LAMB4: variants seen among roughly 807,000 people sequenced by gnomAD.
The protein encoded by LAMB4 is laminin subunit beta 4.
In LAMB4, 196 loss-of-function variants were observed where a neutral mutation model predicts 199.2. That is an observed-to-expected ratio of 0.98 (90% CI 0.88 to 1.11). LAMB4 has a LOEUF of 1.11. Ranked by LOEUF, LAMB4 falls within the 50% of genes least tolerant of loss-of-function variation. The probability of loss-of-function intolerance (pLI) is 0.00; values close to 1 mark genes in which losing one functional copy is unlikely to be tolerated. For missense variants in LAMB4, 2,080 were observed against 2,171.2 expected (o/e 0.96, Z 0.83); for synonymous variants, 744 against 770.6 (o/e 0.97, Z 0.57).
intron 33 of LAMB4, among the ~76,000 whole-genome samples, chr7:108,028,472 ATTT>A (rs1195925912): frequency 1.8e-4 from 20 of 111,768 alleles, no homozygotes; most frequent in African/African-American, 5.9e-4. Context: ...AAAAAAGGGC[ATTT>A]TTTTTTTTTT....
At chr7:108,050,580 A>G (rs1172599230) in intron 26 of LAMB4, among the ~76,000 whole-genome samples, 1 of 152,192 alleles carries the variant, frequency 6.6e-6, no homozygotes, top group Non-Finnish European at 1.5e-5. Flanking sequence ...CCATAACTCC[A>G]TATTTTAGGA....
intron 33 of LAMB4, among the ~76,000 whole-genome samples, chr7:108,028,729 G>A (rs2034926000): frequency 6.6e-6 from 1 of 151,924 alleles, no homozygotes; most frequent in Admixed American, 6.6e-5. Context: ...CACCCGCCTT[G>A]GCCTCCCAAA....
At chr7:108,012,621 G>GCT in the LAMB4 span, among the ~76,000 whole-genome samples, 1 of 152,196 alleles carries the variant, frequency 6.6e-6, no homozygotes, top group African/African-American at 2.4e-5. Context: ...GACAAGGCAA[G>GCT]CTCTTAAATT....
rs1248275946 is a variant in LAMB4, at chr7:108,066,596, A to G, written c.2451T>C (p.Cys817=). 1 of 1,598,906 alleles carries G rather than the reference A, an allele frequency of 6.3e-7. No individual in the cohort carries two copies. The highest frequency in any genetic ancestry group is 1.1e-5 in the South Asian group (1 of 89,484). The change falls in exon 20 of 34, where the codon TGT becomes TGC. Residue 817 remains cysteine (C), a synonymous_variant. Transcript: ENST00000388781. ...CCTTTGATCCTTGAGGATGGCAGTG[A>G]CATGCTGGATGAAGCAAAGAGAAGT... ...YDLGHHGCHP[C]HCHPQGSKDT...
intron 2 of LAMB4, among the ~76,000 whole-genome samples, chr7:108,120,454 A>G (rs994756741): frequency 2.0e-5 from 3 of 152,224 alleles, no homozygotes; most frequent in African/African-American, 7.2e-5. Context: ...GAAATTTTCT[A>G]TTCTCAATCT....
Position 108,103,083 on chromosome 7 carries a change from C to G in LAMB4, c.1141G>C (p.Asp381His), listed in dbSNP as rs566829715. The part of the protein sequence containing the change: ...CDRCRPLFYR[D>H]PLKTISDPYA... ...GGATCTGAGATGGTCTTGAGCGGGT[C>G]CCTGTAGAAGAGGGGTCTGCAGCGG... The change falls in exon 10 of 34, where the codon GAC (aspartate) becomes CAC (histidine). Residue 381 changes from aspartate to histidine, a missense_variant. Coordinates refer to ENST00000388781, the MANE Select transcript of LAMB4 (RefSeq NM_007356.3). 1 of 1,610,774 alleles carries G rather than the reference C, an allele frequency of 6.2e-7. No homozygotes were observed. Among genetic ancestry groups the G allele is most frequent in the South Asian group, 1.1e-5 (1 of 90,888 alleles).
chr7:108,031,409 A>G (rs1485362999), intron 31 of LAMB4, among the ~76,000 whole-genome samples: 1 of 151,202 alleles, frequency 6.6e-6, no homozygotes, highest in Non-Finnish European at 1.5e-5. Context: ...AAGAAAAAAT[A>G]TAACGAATAG....
intron 29 of LAMB4, 115 bp downstream of exon 29, chr7:108,043,637 T>G: frequency 1.1e-5 from 2 of 179,016 alleles, no homozygotes; most frequent in Non-Finnish European, 1.7e-5. Context: ...TGGAGTGCAG[T>G]GGCGCGATCT....
intron 2 of LAMB4, among the ~76,000 whole-genome samples, chr7:108,119,694 G>C (rs937267941): frequency 2.6e-5 from 4 of 152,152 alleles, no homozygotes; most frequent in Non-Finnish European, 4.4e-5. Flanking sequence ...TATCTTGACT[G>C]TGGTGATGGG....
At chr7:108,091,805 A>G (rs1472480261) in intron 13 of LAMB4, 29 bp from the exon 14 acceptor site, 2 of 1,611,756 alleles carry the variant, frequency 1.2e-6, no homozygotes, top group Admixed American at 3.4e-5. Flanking sequence ...ATCATGAAAA[A>G]ATGCAAAGTA....
chr7:108,030,498 C>A (rs1281839591), intron 32 of LAMB4, among the ~76,000 whole-genome samples: 1 of 152,132 alleles, frequency 6.6e-6, no homozygotes, highest in African/African-American at 2.4e-5. Context: ...AGACAAACAA[C>A]ATAAATTGTG....
At chr7:108,021,808 A>T (rs1584567484), downstream of LAMB4, among the ~76,000 whole-genome samples, 1 of 152,210 alleles carries the variant, frequency 6.6e-6, no homozygotes, top group Non-Finnish European at 1.5e-5. Flanking sequence ...GAAATTTATA[A>T]TTTTTTTGAT....
At chr7:108,063,660 C>T in intron 22 of LAMB4, 101 bp downstream of exon 22, 1 of 1,057,514 alleles carries the variant, frequency 9.5e-7, no homozygotes, top group South Asian at 1.3e-5. Flanking sequence ...CTTTTGCCTG[C>T]TGGGACTGGC....
intron 8 of LAMB4, among the ~76,000 whole-genome samples, chr7:108,105,556 A>AAGT (rs2037973269): frequency 6.6e-6 from 1 of 152,230 alleles, no homozygotes; most frequent in African/African-American, 2.4e-5. Flanking sequence ...GGGCAAGATG[A>AAGT]AGTATCTTGA....
chr7:108,078,823 C>CCAAA (rs1238055137), intron 15 of LAMB4, among the ~76,000 whole-genome samples: 1 of 152,090 alleles, frequency 6.6e-6, no homozygotes, highest in Non-Finnish European at 1.5e-5. Context: ...ATTCACTGAG[C>CCAAA]CAAAGTTCAC....
At chr7:108,078,891 A>G (rs755544055) in intron 15 of LAMB4, among the ~76,000 whole-genome samples, 1 of 152,286 alleles carries the variant, frequency 6.6e-6, no homozygotes, top group Middle Eastern at 3.4e-3. Context: ...CCTATCACAC[A>G]TTTCAAAGCA....
At chr7:108,106,401 G>C (rs1014051231) in intron 7 of LAMB4, 108 bp downstream of exon 7, 7 of 697,806 alleles carry the variant, frequency 1.0e-5, no homozygotes, top group African/African-American at 9.2e-5. Context: ...CTGGATGACA[G>C]GGCAAGACTC....
rs776115208 is a variant in LAMB4, at chr7:108,030,933, T to C, written c.4865A>G (p.Lys1622Arg). 2 of 1,614,094 alleles carry C rather than the reference T, an allele frequency of 1.2e-6. No homozygotes were observed. Among genetic ancestry groups the C allele is most frequent in the Non-Finnish European group, 1.7e-6 (2 of 1,179,982 alleles). Residue 1622 changes from lysine (K) to arginine (R), a missense_variant, in exon 32 of 34, where the codon AAG becomes AGG. Coordinates refer to ENST00000388781, the MANE Select transcript of LAMB4 (RefSeq NM_007356.3). ...TCCATCCTCCAGCCCTGATCGCTGCTTTGCTAACTCCAGCTCACTCTTCAT... is the reference window on the plus strand; with the variant it reads ...TCCATCCTCCAGCCCTGATCGCTGCCTTGCTAACTCCAGCTCACTCTTCAT... ...REMKSELELA[K>R]QRSGLEDGLS...
rs757673946 is a variant in LAMB4, at chr7:108,037,627, T to C, written c.4472-32A>G. On this transcript the variant is annotated intron_variant, in intron 29 of 33. Transcript: ENST00000388781. ...TAAGAAGCAGGGTTTTAGGTAATCA[T>C]GTCTCCTTAACAAACACTGTATCTT... The C allele has an allele frequency of 2.6e-6, 4 of 1,514,062 alleles. No individual in the cohort carries two copies. In the African/African-American group the frequency reaches 5.5e-5, roughly 21 times the overall value. The allele number at this position is 1,514,062 out of a possible 1,614,324, so 93.8% of individuals were successfully genotyped here.
Sources: allele counts gnomAD v4.1 joint callset (sites outside exome capture counted in the v4.1 genomes callset), GRCh38; gene constraint gnomAD v4.1.1; transcripts MANE v1.5; gene names NCBI Gene and HGNC (gene_info 2026-07-23, HGNC 2026-07-21).